The following COL5A3 variants were observed in gnomAD, a reference collection of about 807,000 sequenced individuals.
COL5A3 encodes collagen type V alpha 3 chain.
A neutral mutation model predicts 250.0 loss-of-function variants in COL5A3; 172 were observed. The observed-to-expected ratio is 0.69, with a 90% CI of 0.61 to 0.78. The LOEUF (loss-of-function observed/expected upper bound fraction) is 0.78. Ranked by LOEUF, COL5A3 falls within the 30% of genes least tolerant of loss-of-function variation. COL5A3 has a pLI of 0.00. For missense variants in COL5A3, 2,340 were observed against 2,334.4 expected, an observed-to-expected ratio of 1.00 and a Z score of -0.05; for synonymous variants, 937 against 900.4, an observed-to-expected ratio of 1.04 and a Z score of -0.73.
intron 34 of COL5A3, 49 bp downstream of exon 34, chr19:9,980,757 T>C: frequency 6.2e-7 from 1 of 1,613,892 alleles, no homozygotes; most frequent in East Asian, 2.2e-5. Flanking sequence ...TTGGAGGGAC[T>C]GGCTGAGCCT....
chr19:9,967,833 G>A (rs376637001), intron 61 of COL5A3, 71 bp downstream of exon 61: 2 of 1,447,352 alleles, frequency 1.4e-6, no homozygotes, highest in South Asian at 1.2e-5. Flanking sequence ...GCAGAGACGT[G>A]GAGGGTTCTG....
In COL5A3 at chr19:9,998,102, C is replaced by G; in HGVS notation, c.1158G>C (p.Lys386Asn). 1.9e-6 allele frequency: 3 copies of G among 1,613,994 alleles called. No homozygotes were observed. Among genetic ancestry groups the G allele is most frequent in the South Asian group, 2.2e-5 (2 of 91,030 alleles). Residue 386 changes from lysine to asparagine, a missense_variant and splice_region_variant, in exon 9 of 67, where the codon AAG (lysine) becomes AAC (asparagine). Coordinates refer to ENST00000264828, the MANE Select transcript of COL5A3 (RefSeq NM_015719.4). Reference protein sequence around the residue: ...GAKGEPAVIEKGQQFEGPPGA... With the variant: ...GAKGEPAVIENGQQFEGPPGA... ...CCCCCTCACAATCCAGACCCCTCACCTTTTCAATCACTGCGGGCTCTCCTT... is the reference window on the plus strand; with the variant it reads ...CCCCCTCACAATCCAGACCCCTCACGTTTTCAATCACTGCGGGCTCTCCTT...
chr19:9,999,448 T>A (rs1157954148), intron 8 of COL5A3, among the ~76,000 whole-genome samples: 1 of 148,106 alleles, frequency 6.8e-6, no homozygotes, highest in East Asian at 2.0e-4. Context: ...TGGCCTTTTT[T>A]CTTTTCTTTT....
In COL5A3 at chr19:9,990,673, C is replaced by T. The variant is rs192917591; in HGVS notation, c.1992+937G>A. ...CGCCTCCCAGGTTCATGCCATTCTC[C>T]TGACTCAGCCTCCCGAGTAGCTGGG... On this transcript the variant is annotated intron_variant, in intron 24 of 66. Transcript: ENST00000264828. 4.5e-3 allele frequency among the ~76,000 whole-genome samples: 677 copies of T among 152,132 alleles called. 4 individuals carry two copies. Among genetic ancestry groups the T allele is most frequent in the African/African-American group, 0.016 (664 of 41,516 alleles).
intron 26 of COL5A3, 39 bp downstream of exon 26, chr19:9,989,283 C>A (rs1568422827): frequency 5.0e-6 from 8 of 1,613,794 alleles, no homozygotes; most frequent in South Asian, 1.1e-5. Context: ...TGCCTCCCGA[C>A]CCTCGTCCCC....
chr19:9,989,197 A>G lies in COL5A3; in HGVS notation c.2092-20T>C, dbSNP rs1244893546. ...TGGACCCTGGGAGGAAAATAAGGTCAGTGCCATTCTAGACAGTCCCTTCCA... is the reference window on the plus strand; with the variant it reads ...TGGACCCTGGGAGGAAAATAAGGTCGGTGCCATTCTAGACAGTCCCTTCCA... On this transcript the variant is annotated intron_variant, in intron 26 of 66. Transcript: ENST00000264828. The G allele has an allele frequency of 5.6e-6, 9 of 1,613,964 alleles. No individual in the cohort carries two copies. The East Asian group carries it at 2.0e-4, about 36-fold the overall frequency.
Position 9,979,232 on chromosome 19 carries a change from G to A in COL5A3, c.2774C>T (p.Thr925Ile), listed in dbSNP as rs552261634. Residue 925 changes from threonine to isoleucine, a missense_variant, in exon 39 of 67, where the codon ACA (threonine) becomes ATA (isoleucine). By Grantham distance (89) the Thr-to-Ile change is moderately conservative (BLOSUM62 -1). Transcript: ENST00000264828. ...TTCACCTAGAGGTCCCACTTCTCCT[G>A]TCTTTCCCTGGTGAGGAAGAAGGCT... ...PAGVLGPQGK[T>I]GEVGPLGERG... The A allele has an allele frequency of 3.7e-6, 6 of 1,608,190 alleles. No individual in the cohort carries two copies. The East Asian group carries it at 1.3e-4, about 36-fold the overall frequency.
intron 53 of COL5A3, 59 bp downstream of exon 53, chr19:9,970,916 C>T (rs1401817661): frequency 3.5e-5 from 48 of 1,369,874 alleles, no homozygotes; most frequent in Non-Finnish European, 4.6e-5. Context: ...CCCCAATTCA[C>T]TCACTCATTA....
At chr19:9,962,386 G>C (rs1016672178) in intron 65 of COL5A3, among the ~76,000 whole-genome samples, 3 of 152,134 alleles carry the variant, frequency 2.0e-5, no homozygotes, top group Non-Finnish European at 4.4e-5. Context: ...GGAATTACAG[G>C]CCACTGTACC....
intron 6 of COL5A3, among the ~76,000 whole-genome samples, chr19:10,002,228 C>G (rs865872595): frequency 7.4e-6 from 1 of 134,594 alleles, no homozygotes; most frequent in South Asian, 2.7e-4. Flanking sequence ...GAGGGAGTGG[C>G]GGCTCCTTCT....
At chr19:9,969,026 G>A in intron 57 of COL5A3, 1 of 584,096 alleles carries the variant, frequency 1.7e-6, no homozygotes, top group East Asian at 2.9e-5. Flanking sequence ...TGTGGTCAGT[G>A]TAGACCATCA....
intron 31 of COL5A3, among the ~76,000 whole-genome samples, chr19:9,983,529 GAAGAAAGAAAGAAAGA>G (rs59275367): frequency 0.078 from 7,430 of 94,948 alleles, 406 homozygotes; most frequent in Admixed American, 0.098. Flanking sequence ...CAAAAAGAAA[GAAGAAAGAAAGAAAGA>G]AAGAAAGAAA....
intron 27 of COL5A3, among the ~76,000 whole-genome samples, chr19:9,988,855 A>AAAAAAAAAAAGAGAGAGAGAGAAAG (rs1269531312): frequency 6.7e-5 from 7 of 104,728 alleles, no homozygotes; most frequent in Middle Eastern, 5.3e-3. Flanking sequence ...AAAAAAAAAA[A>AAAAAAAAAAAGAGAGAGAGAGAAAG]AAAGAAAGTA....
At position 9,960,754 on chromosome 19, in the gene COL5A3, C is replaced by T. The variant is rs2086661783; in HGVS notation, c.4988G>A (p.Gly1663Asp). The change falls in exon 66 of 67, where the codon GGT becomes GAT. Residue 1663 changes from glycine to aspartate, a missense_variant. By Grantham distance (94) the Gly-to-Asp change is moderately conservative (BLOSUM62 -1). Coordinates refer to ENST00000264828, the MANE Select transcript of COL5A3 (RefSeq NM_015719.4). ...NAAAWLDEAT[G>D]DYSHSARFLG... is the part of the protein sequence containing the mutation. ...GAAGCGGGCGGAGTGGCTGTAGTCA[C>T]CCGTGGCTTCGTCCAGCCAGGCAGC... is the stretch of plus-strand genomic sequence containing the variant. 2 of 1,614,066 alleles carry T rather than the reference C, an allele frequency of 1.2e-6. No homozygotes were observed. The highest frequency in any genetic ancestry group is 1.7e-6 in the Non-Finnish European group (2 of 1,180,036).
At chr19:9,998,495 G>C (rs1401958122) in intron 8 of COL5A3, among the ~76,000 whole-genome samples, 1 of 152,150 alleles carries the variant, frequency 6.6e-6, no homozygotes, top group African/African-American at 2.4e-5. Flanking sequence ...TGTAAAGTCA[G>C]TGGATGAATG....
In COL5A3 at chr19:9,960,860, C is replaced by G; in HGVS notation, c.4882G>C (p.Val1628Leu). 6.2e-7 allele frequency: 1 copy of G among 1,609,948 alleles called. No homozygotes were observed. Among genetic ancestry groups the G allele is most frequent in the Non-Finnish European group, 8.5e-7 (1 of 1,179,998 alleles). ...FSYVDADGSP[V>L]NVVQLNFLKL... The stretch of plus-strand genomic sequence containing the variant: ...AGGAAGTTCAGCTGCACGACATTCA[C>G]TGGGGACCCGTCGGCGTCCACGTAG... Residue 1628 changes from valine to leucine, a missense_variant, in exon 66 of 67, where the codon GTG (valine) becomes CTG (leucine). By Grantham distance (32) the Val-to-Leu change is conservative (BLOSUM62 1). Around this residue, in one of 3 missense-constraint regions of COL5A3, gnomAD observed 1,179 missense variants for 1,162.6 expected, o/e 1.01. Transcript: ENST00000264828.
rs376083495 is a variant in COL5A3 at position 10,005,421 on chromosome 19, C to A, written c.594+137G>T. On this transcript the variant is annotated intron_variant, in intron 4 of 66. Coordinates refer to ENST00000264828, the MANE Select transcript of COL5A3 (RefSeq NM_015719.4). The stretch of plus-strand genomic sequence containing the variant: ...CACAGGCTGCAACGGTGCACGAAAG[C>A]ATGAACTCGCTTCCCTTAGCTTCCT... 6 of 832,682 alleles carry A rather than the reference C, an allele frequency of 7.2e-6. No individual in the cohort carries two copies. The East Asian group carries it at 1.3e-4, about 18-fold the overall frequency. 51.6% of individuals were successfully genotyped at this position (832,682 alleles called of 1,614,324 possible). A position where few individuals can be genotyped will look rare whatever the true frequency, so the allele number is the denominator to read the frequency against.
intron 65 of COL5A3, among the ~76,000 whole-genome samples, chr19:9,962,465 T>C (rs112924340): frequency 0.013 from 1,941 of 152,272 alleles, 30 homozygotes; most frequent in African/African-American, 0.044. Context: ...CATATGCCTT[T>C]CCCTCTCCCT....
chr19:9,966,757 G>A lies in COL5A3; in HGVS notation c.4459-11C>T, dbSNP rs777861514. The stretch of plus-strand genomic sequence containing the variant: ...CTCGGCAGGGGCACCCTGGGCGTAG[G>A]GGATGGGGACGGAGAAGAGAGGGGA... On this transcript the variant is annotated splice_polypyrimidine_tract_variant and intron_variant, in intron 62 of 66. Transcript: ENST00000264828. 1 of 1,530,618 alleles carries A rather than the reference G, an allele frequency of 6.5e-7. No individual in the cohort carries two copies. Among genetic ancestry groups the A allele is most frequent in the East Asian group, 2.5e-5 (1 of 40,812 alleles). 94.8% of individuals were successfully genotyped at this position (1,530,618 alleles called of 1,614,324 possible).
Sources: gnomAD v4.1 joint callset for allele counts (sites outside exome capture counted in the v4.1 genomes callset) on GRCh38, gnomAD v4.1.1 for gene constraint, gnomAD v4.1.1 regional missense constraint, MANE v1.5 for transcripts, NCBI Gene and HGNC (gene_info 2026-07-23, HGNC 2026-07-21) for gene names.